Variants in CMSS1 observed in about 807,000 individuals in gnomAD.
The protein encoded by CMSS1 is protein CMSS1.
CMSS1 carries 33 observed loss-of-function variants against 43.5 expected under a neutral mutation model. The ratio of observed to expected loss-of-function variants is 0.76; its 90% CI spans 0.57 to 1.01. The LOEUF is 1.01. CMSS1 is among the 50% of genes least tolerant of loss of function. The pLI is 0.00. For synonymous variants in CMSS1, 115 were observed against 117.2 expected (o/e 0.98, Z 0.12); for missense variants, 313 against 326.4 (o/e 0.96, Z 0.32).
At position 99,823,865 on chromosome 3, in the gene CMSS1, T is replaced by C. The variant is rs1016916119; in HGVS notation, c.64+5822T>C. ...ACTCATTCTGTCTTACTTAGCCGTT[T>C]GTGTTAGCTGTTCTTTTCCTTTCTG... On this transcript the variant is annotated intron_variant, in intron 1 of 9. Transcript: ENST00000421999. Among the ~76,000 whole-genome samples the C allele has an allele frequency of 2.0e-5, 3 of 152,116 alleles. No homozygotes were observed. In the South Asian group the frequency reaches 6.2e-4, roughly 32 times the overall value.
In CMSS1 at chr3:99,958,016, CAT is replaced by C. The variant is rs958615894; in HGVS notation, c.64+139976_64+139977del. ...TTTTTAGTTATTAGGGCTGGATATT[CAT>C]ATGTTTATATAAAGGCTCAATGGGC... On this transcript the variant is annotated intron_variant, in intron 1 of 9. Transcript: ENST00000421999. Among the ~76,000 whole-genome samples, 39 of 148,728 alleles carry C rather than the reference CAT, an allele frequency of 2.6e-4. No homozygotes were observed. In the East Asian group the frequency reaches 7.6e-3, roughly 29 times the overall value.
chr3:99,946,707 G>A (rs1248136109), intron 1 of CMSS1, among the ~76,000 whole-genome samples: 1 of 152,180 alleles, frequency 6.6e-6, no homozygotes, highest in Non-Finnish European at 1.5e-5. Context: ...GTAGTTTAAC[G>A]TGGTGGTGGC....
intron 1 of CMSS1, among the ~76,000 whole-genome samples, chr3:99,967,438 C>G (rs530971400): frequency 3.3e-5 from 5 of 152,252 alleles, no homozygotes; most frequent in African/African-American, 1.2e-4. Context: ...CCATAAGAGC[C>G]TGAATTTAAT....
At chr3:100,075,370 A>G (rs2107386452) in intron 1 of CMSS1, among the ~76,000 whole-genome samples, 1 of 152,348 alleles carries the variant, frequency 6.6e-6, no homozygotes, top group Non-Finnish European at 1.5e-5. Context: ...TTTACCCTAC[A>G]GGAGAGAAGG....
At chr3:100,063,482 T>A (rs2065609059) in intron 1 of CMSS1, among the ~76,000 whole-genome samples, 1 of 152,120 alleles carries the variant, frequency 6.6e-6, no homozygotes, top group African/African-American at 2.4e-5. Context: ...TTTCTCCAGG[T>A]GAATTTACTT....
At chr3:99,925,501 A>AT (rs375442541) in intron 1 of CMSS1, among the ~76,000 whole-genome samples, 22 of 152,122 alleles carry the variant, frequency 1.4e-4, no homozygotes, top group African/African-American at 4.8e-4. Flanking sequence ...GGAAACTGAG[A>AT]TTTTTTTTGT....
chr3:99,996,841 G>T (rs1414192650), intron 1 of CMSS1, among the ~76,000 whole-genome samples: 1 of 151,702 alleles, frequency 6.6e-6, no homozygotes, highest in Non-Finnish European at 1.5e-5. Flanking sequence ...CAACACATGG[G>T]AATTATGGGA....
intron 1 of CMSS1, among the ~76,000 whole-genome samples, chr3:100,128,182 C>T (rs2066677911): frequency 6.6e-6 from 1 of 152,216 alleles, no homozygotes; most frequent in Non-Finnish European, 1.5e-5. Context: ...ACATGTTGTT[C>T]TGGAACGTTC....
chr3:100,082,092 C>T (rs1280781601), intron 1 of CMSS1, among the ~76,000 whole-genome samples: 2 of 152,160 alleles, frequency 1.3e-5, no homozygotes, highest in Admixed American at 1.3e-4. Flanking sequence ...TGGCATGTTC[C>T]TAGACATTTT....
At chr3:99,891,331 T>C (rs1706076693) in intron 1 of CMSS1, among the ~76,000 whole-genome samples, 1 of 152,172 alleles carries the variant, frequency 6.6e-6, no homozygotes, top group African/African-American at 2.4e-5. Flanking sequence ...CCCTGGGCTT[T>C]GTACTCTGTC....
chr3:99,975,782 G>A (rs1708951782), intron 1 of CMSS1, among the ~76,000 whole-genome samples: 1 of 152,178 alleles, frequency 6.6e-6, no homozygotes. Flanking sequence ...TACTCAAATT[G>A]AAAAGTCGTG....
intron 1 of CMSS1, chr3:99,850,234 T>A: frequency 6.2e-7 from 1 of 1,613,700 alleles, no homozygotes; most frequent in Non-Finnish European, 8.5e-7. Flanking sequence ...GAATTCTGTC[T>A]TTTCTAGCCG....
chr3:99,907,897 A>G (rs552546181), intron 1 of CMSS1, among the ~76,000 whole-genome samples: 49 of 152,372 alleles, frequency 3.2e-4, no homozygotes, highest in African/African-American at 1.2e-3. Context: ...GGCAAGGGCC[A>G]TATGTGTGAT....
At chr3:99,865,164 CGT>C (rs1450116266) in intron 1 of CMSS1, among the ~76,000 whole-genome samples, 6 of 152,044 alleles carry the variant, frequency 3.9e-5, no homozygotes, top group African/African-American at 7.3e-5. Context: ...TGCCATGTAC[CGT>C]GTTAGTCCTG....
At chr3:100,052,161 GCA>G (rs1464906470) in intron 1 of CMSS1, among the ~76,000 whole-genome samples, 1 of 152,072 alleles carries the variant, frequency 6.6e-6, no homozygotes. Context: ...ACCCCATGAT[GCA>G]CACTTATAAT....
chr3:100,151,470 C>T (rs923361263), intron 2 of CMSS1, among the ~76,000 whole-genome samples: 3 of 152,150 alleles, frequency 2.0e-5, no homozygotes, highest in African/African-American at 7.2e-5. Context: ...GTCTCAATCT[C>T]TCACTATTTG....
chr3:100,043,401 G>A (rs1247622765), intron 1 of CMSS1, among the ~76,000 whole-genome samples: 2 of 151,962 alleles, frequency 1.3e-5, no homozygotes, highest in East Asian at 3.9e-4. Context: ...TCATTTTCTT[G>A]AGGCTTATAG....
At chr3:99,908,029 C>T (rs576684846) in intron 1 of CMSS1, among the ~76,000 whole-genome samples, 91 of 152,342 alleles carry the variant, frequency 6.0e-4, no homozygotes, top group Non-Finnish European at 1.1e-3. Flanking sequence ...AAATATTGAT[C>T]TGGTCATGCA....
intron 1 of CMSS1, among the ~76,000 whole-genome samples, chr3:99,971,201 C>A (rs59112574): frequency 6.6e-6 from 1 of 151,940 alleles, no homozygotes; most frequent in African/African-American, 2.4e-5. Flanking sequence ...TTAGCCGGGC[C>A]TGGTGGCAGA....
Sources: gnomAD v4.1 joint callset for allele counts (sites outside exome capture counted in the v4.1 genomes callset) on GRCh38, gnomAD v4.1.1 for gene constraint, MANE v1.5 for transcripts, NCBI Gene and HGNC (gene_info 2026-07-23, HGNC 2026-07-21) for gene names.